The following TNS1 variants were observed in gnomAD, a reference collection of about 807,000 sequenced individuals.
TNS1 encodes tensin 1, also known as tensin-1.
TNS1 carries 62 observed loss-of-function variants against 168.6 expected under a neutral mutation model. That is an observed-to-expected ratio of 0.37 (90% confidence interval 0.30 to 0.45). TNS1 has a LOEUF of 0.45. Among genes scored for constraint, TNS1 ranks in the 20% least tolerant of loss-of-function variants. The pLI is 1.00. For missense variants in TNS1, 2,240 were observed against 2,339.4 expected (o/e 0.96, Z 0.88); for synonymous variants, 934 against 933.2 (o/e 1.00, Z -0.02).
At chr2:217,825,379 G>A (rs1943466478) in intron 22 of TNS1, among the ~76,000 whole-genome samples, 1 of 152,090 alleles carries the variant, frequency 6.6e-6, no homozygotes, top group African/African-American at 2.4e-5. Flanking sequence ...GGTTCCTTAA[G>A]GCCTGGGAGG....
At position 217,848,364 on chromosome 2, in the gene TNS1, C is replaced by G. The variant is rs1286209977; in HGVS notation, c.2153G>C (p.Arg718Thr). Reference sequence around the variant, plus strand: ...TGGCCAGGCTGGGTGGGGCCCCTCCCTCTGGTAGCCAGCTAAACCCTCCTG... The same window carrying G: ...TGGCCAGGCTGGGTGGGGCCCCTCCGTCTGGTAGCCAGCTAAACCCTCCTG... ...SAQEGLAGYQ[R>T]EGPHPAWPQP... Residue 718 changes from arginine to threonine, a missense_variant, in exon 19 of 33, where the codon AGG (arginine) becomes ACG (threonine). Around this residue, in one of 2 missense-constraint regions of TNS1, gnomAD observed 2,131 missense variants for 2,171.2 expected, o/e 0.98. Coordinates refer to ENST00000682258, the MANE Select transcript of TNS1 (RefSeq NM_001387777.1). The G allele has an allele frequency of 6.5e-7, 1 of 1,541,398 alleles. No homozygotes were observed. The highest frequency in any genetic ancestry group is 8.8e-7 in the Non-Finnish European group (1 of 1,142,142).
intron 1 of TNS1, among the ~76,000 whole-genome samples, chr2:218,023,531 G>A (rs1271750838): frequency 6.6e-6 from 1 of 152,178 alleles, no homozygotes; most frequent in Non-Finnish European, 1.5e-5. Flanking sequence ...GGCCAAGTCA[G>A]CAAGTGAAGA....
rs753752055 is a variant in TNS1 at position 217,907,328 on chromosome 2, G to A, written c.229-77C>T. 759 of 694,458 alleles carry A rather than the reference G, an allele frequency of 1.1e-3. 1 individual carries two copies. Among genetic ancestry groups the A allele is most frequent in the Non-Finnish European group, 1.8e-3 (671 of 378,820 alleles). The allele number at this position is 694,458 out of a possible 1,614,324, so 43.0% of individuals were successfully genotyped here. A position where few individuals can be genotyped will look rare whatever the true frequency, so the allele number is the denominator to read the frequency against. ...ATGGGCTCTCTCCCCATGGCTAGTG[G>A]CCCTGATGGGCAGAATGCCCCCTGA... On this transcript the variant is annotated intron_variant, in intron 4 of 32. Transcript: ENST00000682258.
intron 3 of TNS1, among the ~76,000 whole-genome samples, chr2:217,972,385 T>C (rs1331927322): frequency 6.6e-6 from 1 of 152,186 alleles, no homozygotes; most frequent in Non-Finnish European, 1.5e-5. Flanking sequence ...AATACAAGCC[T>C]CCAACCCAAC....
chr2:217,838,921 C>T, intron 19 of TNS1, among the ~76,000 whole-genome samples: 1 of 150,870 alleles, frequency 6.6e-6, no homozygotes, highest in East Asian at 2.0e-4. Context: ...GCTCTCCCCA[C>T]CTCCCTCCCT....
rs148526062 is a variant in TNS1 at position 217,907,501 on chromosome 2, C to T, written c.229-250G>A. Among the ~76,000 whole-genome samples the T allele has an allele frequency of 7.2e-5, 11 of 152,378 alleles. No homozygotes were observed. The East Asian group carries it at 2.1e-3, about 29-fold the overall frequency. Reference sequence around the variant, plus strand: ...CTTCACCAAAGACCCACGCTCAGTGCCCGGCGCCAGGCCTCTGGTTCATAC... The same window carrying T: ...CTTCACCAAAGACCCACGCTCAGTGTCCGGCGCCAGGCCTCTGGTTCATAC... On this transcript the variant is annotated intron_variant, in intron 4 of 32. Transcript: ENST00000682258.
intron 19 of TNS1, among the ~76,000 whole-genome samples, chr2:217,839,844 G>A (rs1400005116): frequency 6.6e-6 from 1 of 152,318 alleles, no homozygotes; most frequent in East Asian, 1.9e-4. Flanking sequence ...CATGCCTGGG[G>A]CTCCAGAAGC....
At chr2:218,027,549 T>C (rs945662707) in intron 1 of TNS1, among the ~76,000 whole-genome samples, 1 of 151,942 alleles carries the variant, frequency 6.6e-6, no homozygotes, top group African/African-American at 2.4e-5. Context: ...TTCCAGACTG[T>C]CCCAAGCAGA....
chr2:218,010,368 C>A, exon 1 of TNS1: 1 of 393,822 alleles, frequency 2.5e-6, no homozygotes, highest in African/African-American at 2.1e-5. Flanking sequence ...CCTGCTGCCC[C>A]CTCTAGCGGG....
At chr2:217,809,488 GATGC>G (rs1209177047) in intron 30 of TNS1, among the ~76,000 whole-genome samples, 7 of 20,682 alleles carry the variant, frequency 3.4e-4, no homozygotes, top group African/African-American at 7.1e-4. Context: ...TGGATGGATG[GATGC>G]ATGGATGGAT....
At chr2:217,920,080 C>T in intron 4 of TNS1, 115 bp downstream of exon 4, 1 of 693,680 alleles carries the variant, frequency 1.4e-6, no homozygotes, top group Non-Finnish European at 2.6e-6. Flanking sequence ...TCCTCCTCCA[C>T]CTAATTGTCC....
intron 18 of TNS1, among the ~76,000 whole-genome samples, chr2:217,866,393 C>T (rs1306109634): frequency 6.6e-6 from 1 of 152,166 alleles, no homozygotes; most frequent in Non-Finnish European, 1.5e-5. Flanking sequence ...CTGGACTTGG[C>T]AGGCCTGTAT....
chr2:217,927,366 G>A (rs143898463), intron 3 of TNS1, among the ~76,000 whole-genome samples: 40 of 152,256 alleles, frequency 2.6e-4, no homozygotes, highest in African/African-American at 7.5e-4. Flanking sequence ...ATGGCACAAC[G>A]GTCTTTCTAG....
chr2:217,966,005 C>A (rs1957618371), intron 3 of TNS1, among the ~76,000 whole-genome samples: 1 of 152,118 alleles, frequency 6.6e-6, no homozygotes, highest in African/African-American at 2.4e-5. Flanking sequence ...CCAGGACTTT[C>A]CTCTCCTCTC....
At chr2:217,953,622 C>A (rs1957292835) in intron 3 of TNS1, among the ~76,000 whole-genome samples, 1 of 152,116 alleles carries the variant, frequency 6.6e-6, no homozygotes, top group African/African-American at 2.4e-5. Context: ...TTTGCCCACT[C>A]CCACCCACCT....
chr2:218,030,887 G>C (rs763476628), intron 1 of TNS1, among the ~76,000 whole-genome samples: 2 of 152,188 alleles, frequency 1.3e-5, no homozygotes, highest in Non-Finnish European at 2.9e-5. Flanking sequence ...CTGTGTGTAA[G>C]CGTGTGTGTA....
intron 3 of TNS1, among the ~76,000 whole-genome samples, chr2:217,971,140 C>T (rs192295466): frequency 2.6e-3 from 399 of 152,248 alleles, no homozygotes; most frequent in Admixed American, 8.4e-3. Flanking sequence ...TAGAGTTCAA[C>T]GGGTTTTGAC....
intron 11 of TNS1, among the ~76,000 whole-genome samples, chr2:217,892,187 C>T (rs1221517691): frequency 6.6e-6 from 1 of 152,192 alleles, no homozygotes; most frequent in East Asian, 1.9e-4. Flanking sequence ...AACCTCCCTG[C>T]CTCCCAGATT....
upstream of TNS1, among the ~76,000 whole-genome samples, chr2:218,011,527 G>A (rs1389276479): frequency 1.3e-5 from 2 of 152,102 alleles, no homozygotes; most frequent in Non-Finnish European, 2.9e-5. Context: ...CATCCCCCTG[G>A]GGCTGGGCTG....
Sources: gnomAD v4.1 joint callset for allele counts (sites outside exome capture counted in the v4.1 genomes callset) on GRCh38, gnomAD v4.1.1 for gene constraint, gnomAD v4.1.1 regional missense constraint, MANE v1.5 for transcripts, NCBI Gene and HGNC (gene_info 2026-07-23, HGNC 2026-07-21) for gene names.